The following WDR86 variants were observed in gnomAD, a reference collection of about 807,000 sequenced individuals.
WDR86 encodes the protein WD repeat-containing protein 86.
Under a neutral mutation model 36.5 loss-of-function variants are expected in WDR86, and 30 were observed. The observed-to-expected ratio is 0.82, with a 90% CI of 0.61 to 1.11. The LOEUF (loss-of-function observed/expected upper bound fraction) is 1.11, where lower values mean the gene tolerates loss of function less well. Ranked by LOEUF, WDR86 falls within the 50% of genes most tolerant of loss-of-function variation. The probability of loss-of-function intolerance (pLI) is 0.00; values close to 1 mark genes in which losing one functional copy is unlikely to be tolerated. For missense variants in WDR86, 545 were observed against 561.2 expected (o/e 0.97, Z 0.29); for synonymous variants, 255 against 252.9 (o/e 1.01, Z -0.08).
chr7:151,376,433 G>A (rs1211384555), downstream of WDR86: 8 of 564,486 alleles, frequency 1.4e-5, no homozygotes, highest in Admixed American at 6.5e-5. Flanking sequence ...GCTCCCTGAC[G>A]CACCCGACTT....
At chr7:151,371,700 A>G (rs1020066769), downstream of WDR86, among the ~76,000 whole-genome samples, 1 of 152,188 alleles carries the variant, frequency 6.6e-6, no homozygotes, top group Admixed American at 6.5e-5. Context: ...CGGAGTTCCA[A>G]CGTTCTAGGT....
At chr7:151,380,278 T>C (rs530464304), downstream of WDR86, among the ~76,000 whole-genome samples, 1 of 152,330 alleles carries the variant, frequency 6.6e-6, no homozygotes, top group African/African-American at 2.4e-5. Flanking sequence ...AATCCCTACC[T>C]GTTCATCCGC....
rs940284171 is a variant in WDR86, at chr7:151,401,059, C to T, written c.164-818G>A. 6.6e-6 allele frequency among the ~76,000 whole-genome samples: 1 copy of T among 152,202 alleles called. No individual in the cohort carries two copies. On this transcript the variant is annotated intron_variant, in intron 1 of 5. Coordinates refer to ENST00000334493, the MANE Select transcript of WDR86 (RefSeq NM_198285.3). This position sits in a 1 kb window ranked among gnomAD's most constrained non-coding sequence, Gnocchi z 4.3. ...GTGCATGAGCACCCAGAACATGCTT[C>T]CCAGCAACCCCCTTGCCCACCTGCT...
At chr7:151,407,009 C>A (rs1200520663) in intron 1 of WDR86, among the ~76,000 whole-genome samples, 1 of 152,190 alleles carries the variant, frequency 6.6e-6, no homozygotes, top group Non-Finnish European at 1.5e-5. Flanking sequence ...AGGACTGTCA[C>A]ACACTCACAA....
chr7:151,384,873 T>C (rs1279313851), intron 4 of WDR86, among the ~76,000 whole-genome samples: 1 of 152,228 alleles, frequency 6.6e-6, no homozygotes, highest in Non-Finnish European at 1.5e-5. Context: ...CAGGCTGTCC[T>C]GGAGAAAGGT....
At chr7:151,370,199 G>T in the WDR86 span, among the ~76,000 whole-genome samples, 1 of 151,730 alleles carries the variant, frequency 6.6e-6, no homozygotes, top group Non-Finnish European at 1.5e-5. Flanking sequence ...TGATTCTTCT[G>T]CCTTAGCCTT....
downstream of WDR86, among the ~76,000 whole-genome samples, chr7:151,380,299 G>A (rs1223684581): frequency 2.0e-5 from 3 of 152,198 alleles, no homozygotes; most frequent in Admixed American, 1.3e-4. Flanking sequence ...GCCCGAGGGC[G>A]GACCCGCCCA....
intron 1 of WDR86, among the ~76,000 whole-genome samples, chr7:151,407,684 C>CA (rs922326800): frequency 4.6e-5 from 7 of 152,018 alleles, no homozygotes; most frequent in Admixed American, 6.6e-5. Context: ...AATAAAAATA[C>CA]AAAAAAATTA....
Position 151,397,738 on chromosome 7 carries a change from G to A in WDR86, c.306-1542C>T, listed in dbSNP as rs865917071. 3.8e-3 allele frequency among the ~76,000 whole-genome samples: 554 copies of A among 146,872 alleles called. 27 individuals carry two copies. The highest frequency in any genetic ancestry group is 0.013 in the African/African-American group (514 of 39,358). ...CATAGCGGGAGGAAGAGGGTGTAGC[G>A]GGAGGAAGAGGGTGTAGCGGGAGGA... On this transcript the variant is annotated intron_variant, in intron 2 of 5. Coordinates refer to ENST00000334493, the MANE Select transcript of WDR86 (RefSeq NM_198285.3).
intron 3 of WDR86, among the ~76,000 whole-genome samples, chr7:151,389,359 G>A (rs777296164): frequency 5.9e-5 from 9 of 152,060 alleles, no homozygotes; most frequent in African/African-American, 1.4e-4. Flanking sequence ...GGCTGCCCAC[G>A]GGCTTATCTC....
chr7:151,409,419 GGGTCTACCTTGCAGGAGCGCGCAGCACT>G lies in WDR86; in HGVS notation c.143_163+7del, dbSNP rs1563072055. 1 of 1,555,308 alleles carries G rather than the reference GGGTCTACCTTGCAGGAGCGCGCAGCACT, an allele frequency of 6.4e-7. No individual in the cohort carries two copies. Among genetic ancestry groups the G allele is most frequent in the South Asian group, 1.2e-5 (1 of 84,688 alleles). ...CGAAGAGGTCAGGGAGGGAGTGGGA[GGGTCTACCTTGCAGGAGCGCGCAGCACT>G]GGCCGTCCGCGGTGCTCCAGAGCCG... is the stretch of plus-strand genomic sequence containing the variant. On this transcript the variant is annotated splice_donor_variant and splice_donor_5th_base_variant and coding_sequence_variant and intron_variant, in exon 1 of 6. Transcript: ENST00000334493. LOFTEE classifies it high-confidence loss of function. This position sits in a 1 kb window ranked among gnomAD's most constrained non-coding sequence, Gnocchi z 5.2.
chr7:151,376,459 C>T (rs1798257097), downstream of WDR86: 4 of 624,226 alleles, frequency 6.4e-6, no homozygotes, highest in South Asian at 7.3e-5. Context: ...TTCCAAGCCC[C>T]CTTCCAGGTT....
At chr7:151,393,775 A>G in intron 3 of WDR86, among the ~76,000 whole-genome samples, 1 of 151,988 alleles carries the variant, frequency 6.6e-6, no homozygotes, top group Non-Finnish European at 1.5e-5. Context: ...CCAGCTCTTT[A>G]CGAGTCTCGG....
intron 3 of WDR86, among the ~76,000 whole-genome samples, chr7:151,391,611 A>G (rs890064003): frequency 2.0e-5 from 3 of 152,070 alleles, no homozygotes; most frequent in African/African-American, 7.2e-5. Flanking sequence ...CAAGAGGCAG[A>G]TCTGGATGGG....
intron 2 of WDR86, among the ~76,000 whole-genome samples, chr7:151,399,881 C>T (rs1226458335): frequency 2.0e-5 from 3 of 152,256 alleles, no homozygotes; most frequent in Non-Finnish European, 4.4e-5. Flanking sequence ...AGTGGATGGG[C>T]AGTGCCTCCC....
chr7:151,371,640 A>C (rs1029182022), downstream of WDR86, among the ~76,000 whole-genome samples: 2 of 152,200 alleles, frequency 1.3e-5, no homozygotes, highest in African/African-American at 4.8e-5. Flanking sequence ...GTCCCACAGA[A>C]AGTGAGCTCC....
In WDR86 at chr7:151,400,117, G is replaced by A. The variant is rs372186980; in HGVS notation, c.288C>T (p.His96=). The change falls in exon 2 of 6, where the codon CAC becomes CAT. Residue 96 remains histidine, a synonymous_variant. Transcript: ENST00000334493. ...AGGCTGACCTGTTCACGATGGACGT[G>A]TGTCCTCGGTACACCTGCAGACACT... is the stretch of plus-strand genomic sequence containing the variant. ...TGQCLQVYRG[H]TSIVNRILVA... 1.6e-5 allele frequency: 25 copies of A among 1,603,272 alleles called. No individual in the cohort carries two copies. Among genetic ancestry groups the A allele is most frequent in the Non-Finnish European group, 1.9e-5 (22 of 1,174,644 alleles).
In WDR86 at chr7:151,381,476, T is replaced by C; in HGVS notation, c.*106A>G. ...TCTCCTCCCGCCCGGGCTTCCTCGCTCCTCGCCCCTCGCCGGCCATCGGGC... is the reference window on the plus strand; with the variant it reads ...TCTCCTCCCGCCCGGGCTTCCTCGCCCCTCGCCCCTCGCCGGCCATCGGGC... On this transcript the variant is annotated 3_prime_UTR_variant, in exon 6 of 6. Coordinates refer to ENST00000334493, the MANE Select transcript of WDR86 (RefSeq NM_198285.3). The surrounding 1 kb of genome is among the most constrained non-coding windows in gnomAD (Gnocchi z 4.8). 1 of 1,475,370 alleles carries C rather than the reference T, an allele frequency of 6.8e-7. No individual in the cohort carries two copies. The highest frequency in any genetic ancestry group is 8.9e-7 in the Non-Finnish European group (1 of 1,122,256). 91.4% of individuals were successfully genotyped at this position (1,475,370 alleles called of 1,614,324 possible).
intron 3 of WDR86, among the ~76,000 whole-genome samples, chr7:151,386,311 G>A (rs1288817884): frequency 1.3e-5 from 2 of 152,142 alleles, no homozygotes; most frequent in African/African-American, 4.8e-5. Context: ...GAGCTTCCAC[G>A]ACCCGGGCCA....
Sources: gnomAD v4.1 joint callset for allele counts (sites outside exome capture counted in the v4.1 genomes callset) on GRCh38, gnomAD v4.1.1 for gene constraint, Gnocchi (gnomAD v3.1) non-coding constraint, MANE v1.5 for transcripts, NCBI Gene and HGNC (gene_info 2026-07-23, HGNC 2026-07-21) for gene names.